ARID3A: variants seen among roughly 807,000 people sequenced by gnomAD.
ARID3A encodes the protein AT-rich interaction domain 3A.
Under a neutral mutation model 52.7 loss-of-function variants are expected in ARID3A, and 11 were observed. That is an observed-to-expected ratio of 0.21 (90% CI 0.13 to 0.35). The LOEUF is 0.35. Ranked by LOEUF, ARID3A falls within the 10% of genes least tolerant of loss-of-function variation. The pLI is 1.00. For synonymous variants in ARID3A, 404 were observed against 359.4 expected (o/e 1.12, Z -1.40); for missense variants, 721 against 838.5 (o/e 0.86, Z 1.73).
At chr19:945,106 G>C (rs958783728) in intron 3 of ARID3A, among the ~76,000 whole-genome samples, 1 of 152,176 alleles carries the variant, frequency 6.6e-6, no homozygotes. Flanking sequence ...CCTGGTTCTT[G>C]GGGAAGAACT....
At chr19:971,853 CAT>C in intron 8 of ARID3A, 23 bp from the exon 9 acceptor site, 1 of 1,588,060 alleles carries the variant, frequency 6.3e-7, no homozygotes, top group South Asian at 1.1e-5. Flanking sequence ...CTCTGCATGG[CAT>C]ATGTCTTCTG....
intron 1 of ARID3A, among the ~76,000 whole-genome samples, chr19:927,103 G>T (rs1043789953): frequency 6.6e-6 from 1 of 152,026 alleles, no homozygotes; most frequent in Non-Finnish European, 1.5e-5. Flanking sequence ...CGCGGGCCCG[G>T]GGCCTTGCAC....
chr19:958,957 C>G (rs1490086896), intron 3 of ARID3A, among the ~76,000 whole-genome samples: 1 of 152,350 alleles, frequency 6.6e-6, no homozygotes, highest in East Asian at 1.9e-4. Flanking sequence ...CGCACAGACA[C>G]TCATGCTCAC....
At chr19:935,857 C>T (rs1372862223) in intron 3 of ARID3A, among the ~76,000 whole-genome samples, 1 of 152,230 alleles carries the variant, frequency 6.6e-6, no homozygotes, top group Non-Finnish European at 1.5e-5. Flanking sequence ...GTGGCGCGAT[C>T]GCGGCTCACT....
chr19:960,395 G>T lies in ARID3A; in HGVS notation c.766+231G>T, dbSNP rs375556636. Reference sequence around the variant, plus strand: ...GAGTCTAAGGGGTAGGTCCCTTGGTGGGGGGCAGGGCAGTCTCAGGGCCCC... The same window carrying T: ...GAGTCTAAGGGGTAGGTCCCTTGGTTGGGGGCAGGGCAGTCTCAGGGCCCC... On this transcript the variant is annotated intron_variant, in intron 4 of 8. Transcript: ENST00000263620. This position sits in a 1 kb window ranked among gnomAD's most constrained non-coding sequence, Gnocchi z 4.3. 2.0e-5 allele frequency among the ~76,000 whole-genome samples: 3 copies of T among 152,074 alleles called. No homozygotes were observed. The highest frequency in any genetic ancestry group is 4.8e-5 in the African/African-American group (2 of 41,384).
chr19:927,982 T>C (rs1000560141), intron 1 of ARID3A, among the ~76,000 whole-genome samples: 8 of 152,096 alleles, frequency 5.3e-5, no homozygotes, highest in African/African-American at 1.9e-4. Context: ...CAGGACTCTC[T>C]TGTCCGGTGA....
At chr19:935,044 G>A (rs543414775) in intron 3 of ARID3A, among the ~76,000 whole-genome samples, 10 of 152,278 alleles carry the variant, frequency 6.6e-5, no homozygotes, top group African/African-American at 2.2e-4. Context: ...GTTACCTCCC[G>A]CCCGGCCCCT....
intron 3 of ARID3A, among the ~76,000 whole-genome samples, chr19:955,725 G>A (rs896643798): frequency 6.6e-6 from 1 of 152,182 alleles, no homozygotes; most frequent in Non-Finnish European, 1.5e-5. Context: ...GGTCCAGGCA[G>A]GGTAGACCCC....
Position 929,881 on chromosome 19 carries a change from C to T in ARID3A, c.353C>T (p.Ala118Val), listed in dbSNP as rs2037285107. 2 of 1,542,074 alleles carry T rather than the reference C, an allele frequency of 1.3e-6. No homozygotes were observed. Among genetic ancestry groups the T allele is most frequent in the Non-Finnish European group, 1.7e-6 (2 of 1,146,846 alleles). ...GPGEEHFEDM[A>V]SDEDMKPKWE... ...GGAGAGGAGCACTTTGAGGACATGGCCTCCGACGAGGACATGTGAGTTGGG... is the reference window on the plus strand; with the variant it reads ...GGAGAGGAGCACTTTGAGGACATGGTCTCCGACGAGGACATGTGAGTTGGG... Residue 118 changes from alanine (A) to valine (V), a missense_variant, in exon 2 of 9, where the codon GCC (alanine) becomes GTC (valine). By Grantham distance (64) the Ala-to-Val change is moderately conservative. Transcript: ENST00000263620. This position sits in a 1 kb window ranked among gnomAD's most constrained non-coding sequence, Gnocchi z 6.2.
rs563155061 is a variant in ARID3A, at chr19:966,288, C to T, written c.1199-284C>T. Among the ~76,000 whole-genome samples the T allele has an allele frequency of 2.7e-3, 414 of 151,620 alleles. 3 individuals are homozygous for T. The highest frequency in any genetic ancestry group is 9.7e-3 in the African/African-American group (400 of 41,362). On this transcript the variant is annotated intron_variant, in intron 6 of 8. Coordinates refer to ENST00000263620, the MANE Select transcript of ARID3A (RefSeq NM_005224.3). ...CAGCCTGGCCAACATGAAGAAACCC[C>T]GTCTCTACTAAAAATACAAAATTAG...
Position 964,692 on chromosome 19 carries a change from A to G in ARID3A, c.951-141A>G. ...AGATGGAGGGAATGGGCAAAGGCCC[A>G]GCAGCTCTGGGGGCTGCTGAGCAAG... is the stretch of plus-strand genomic sequence containing the variant. On this transcript the variant is annotated intron_variant, in intron 5 of 8. Coordinates refer to ENST00000263620, the MANE Select transcript of ARID3A (RefSeq NM_005224.3). This position sits in a 1 kb window ranked among gnomAD's most constrained non-coding sequence, Gnocchi z 5.7. 7.2e-7 allele frequency: 1 copy of G among 1,395,812 alleles called. No individual in the cohort carries two copies. The highest frequency in any genetic ancestry group is 9.5e-7 in the Non-Finnish European group (1 of 1,049,938). 86.5% of individuals were successfully genotyped at this position (1,395,812 alleles called of 1,614,324 possible).
chr19:966,980 G>A lies in ARID3A; in HGVS notation c.1495+112G>A, dbSNP rs117801554. On this transcript the variant is annotated intron_variant, in intron 7 of 8. Transcript: ENST00000263620. ...ACAAATCAATAAGAAAAAAAAAGCC[G>A]GGTGCAGTGGCTGACATCTGTAATC... 0.048 allele frequency: 62,864 copies of A among 1,296,866 alleles called. 1,735 individuals carry two copies. Among genetic ancestry groups the A allele is most frequent in the South Asian group, 0.083 (4,799 of 57,854 alleles). 80.3% of individuals were successfully genotyped at this position (1,296,866 alleles called of 1,614,324 possible). A position where few individuals can be genotyped will look rare whatever the true frequency, so the allele number is the denominator to read the frequency against.
intron 3 of ARID3A, among the ~76,000 whole-genome samples, chr19:939,910 C>T (rs559463340): frequency 2.6e-5 from 4 of 152,194 alleles, no homozygotes; most frequent in South Asian, 4.1e-4. Context: ...CGTCGTGCCC[C>T]GGAGACCCCC....
chr19:949,225 G>T (rs560818856), intron 3 of ARID3A, among the ~76,000 whole-genome samples: 1 of 152,116 alleles, frequency 6.6e-6, no homozygotes, highest in East Asian at 1.9e-4. Flanking sequence ...GCTGGGTCCC[G>T]CCCTGCCCAC....
Position 964,445 on chromosome 19 carries a change from G to A in ARID3A, c.950+14G>A, listed in dbSNP as rs779970297. Reference sequence around the variant, plus strand: ...CCTGCGGACCCAGTGAGTGGCGGACGGTTGTGCCGAGGTCGGGCCAGGGCA... The same window carrying A: ...CCTGCGGACCCAGTGAGTGGCGGACAGTTGTGCCGAGGTCGGGCCAGGGCA... On this transcript the variant is annotated intron_variant, in intron 5 of 8. Transcript: ENST00000263620. This position sits in a 1 kb window ranked among gnomAD's most constrained non-coding sequence, Gnocchi z 5.7. 37 of 1,572,348 alleles carry A rather than the reference G, an allele frequency of 2.4e-5. No individual in the cohort carries two copies. Among genetic ancestry groups the A allele is most frequent in the Middle Eastern group, 3.5e-4 (2 of 5,796 alleles).
rs978478212 is a variant in ARID3A, at chr19:942,151, A to T, written c.693+9409A>T. Among the ~76,000 whole-genome samples the T allele has an allele frequency of 3.3e-5, 5 of 152,078 alleles. No individual in the cohort carries two copies. The highest frequency in any genetic ancestry group is 7.4e-5 in the Non-Finnish European group (5 of 67,982). ...AGCCCCAGTGGCCACCGAGCTATGG[A>T]CAGGGCCGCTGGGGGTGCACCCCCA... On this transcript the variant is annotated intron_variant, in intron 3 of 8. Transcript: ENST00000263620. This position sits in a 1 kb window ranked among gnomAD's most constrained non-coding sequence, Gnocchi z 8.1.
chr19:962,602 C>T (rs1450898449), intron 4 of ARID3A, among the ~76,000 whole-genome samples: 2 of 150,260 alleles, frequency 1.3e-5, no homozygotes, highest in Non-Finnish European at 3.0e-5. Flanking sequence ...GCAACCTCCA[C>T]CTCCCAGGTT....
At chr19:930,861 G>T (rs1260559203) in intron 2 of ARID3A, among the ~76,000 whole-genome samples, 2 of 152,042 alleles carry the variant, frequency 1.3e-5, no homozygotes. Flanking sequence ...GATGGCTACA[G>T]CAGATTCAGC....
intron 7 of ARID3A, among the ~76,000 whole-genome samples, chr19:967,307 C>T (rs2038181158): frequency 6.6e-6 from 1 of 151,460 alleles, no homozygotes; most frequent in African/African-American, 2.4e-5. Context: ...GTGGCTCATG[C>T]CTATAATCCC....
Sources: gnomAD v4.1 joint callset for allele counts (sites outside exome capture counted in the v4.1 genomes callset) on GRCh38, gnomAD v4.1.1 for gene constraint, Gnocchi (gnomAD v3.1) non-coding constraint, MANE v1.5 for transcripts, NCBI Gene and HGNC (gene_info 2026-07-23, HGNC 2026-07-21) for gene names.